The following IQSEC3 variants were observed in gnomAD, a reference collection of about 807,000 sequenced individuals.
IQSEC3 encodes IQ motif and SEC7 domain-containing protein 3.
Under a neutral mutation model 105.4 loss-of-function variants are expected in IQSEC3, and 50 were observed. The observed-to-expected ratio is 0.47, with a 90% confidence interval of 0.38 to 0.60. The LOEUF is 0.60. IQSEC3 is among the 20% of genes least tolerant of loss of function. The pLI is 0.00. For missense variants in IQSEC3, 1,415 were observed against 1,630.0 expected (o/e 0.87, Z 2.27); for synonymous variants, 708 against 746.0 (o/e 0.95, Z 0.83).
chr12:171,870 C>G (rs1201543732), intron 13 of IQSEC3, among the ~76,000 whole-genome samples: 1 of 152,090 alleles, frequency 6.6e-6, no homozygotes, highest in African/African-American at 2.4e-5. Flanking sequence ...GCCCATTTGG[C>G]TCCATGCCAT....
chr12:123,723 G>T (rs576332595), intron 2 of IQSEC3, among the ~76,000 whole-genome samples: 3 of 152,134 alleles, frequency 2.0e-5, no homozygotes, highest in Admixed American at 2.0e-4. Context: ...AGTGGAAGCC[G>T]CAGGAAGAGG....
rs1245366925 is a variant in IQSEC3, at chr12:67,137, C to T, written c.255C>T (p.Ala85=). 2 of 1,513,504 alleles carry T rather than the reference C, an allele frequency of 1.3e-6. No individual in the cohort carries two copies. Among genetic ancestry groups the T allele is most frequent in the South Asian group, 2.5e-5 (2 of 81,502 alleles). 93.8% of individuals were successfully genotyped at this position (1,513,504 alleles called of 1,614,324 possible). The change falls in exon 1 of 14, where the codon GCC becomes GCT. Residue 85 remains alanine, a synonymous_variant. Coordinates refer to ENST00000538872, the MANE Select transcript of IQSEC3 (RefSeq NM_001170738.2). ...PLPAAPATAP[A]AAARAQEPLQ... is the part of the protein sequence containing the mutation. ...CGGCCGCTCCGGCCACCGCTCCTGC[C>T]GCCGCCGCCAGGGCCCAGGAACCTC...
At chr12:125,585 C>T (rs535633153) in intron 2 of IQSEC3, 48 bp from the exon 3 acceptor site, 118 of 1,450,092 alleles carry the variant, frequency 8.1e-5, no homozygotes, top group African/African-American at 1.2e-4. Flanking sequence ...TCCACACGCA[C>T]CCTGTCGCCC....
intron 2 of IQSEC3, among the ~76,000 whole-genome samples, chr12:106,291 T>C (rs1864648672): frequency 6.6e-6 from 1 of 152,194 alleles, no homozygotes; most frequent in Non-Finnish European, 1.5e-5. Context: ...GGCAGGAGGA[T>C]AGCAGAAGGC....
chr12:106,693 G>A (rs1323237137), intron 2 of IQSEC3: 2 of 152,162 alleles, frequency 1.3e-5, no homozygotes, highest in African/African-American at 4.8e-5. Flanking sequence ...TTCATTTACT[G>A]GAAGCTTCTT....
intron 3 of IQSEC3, among the ~76,000 whole-genome samples, chr12:131,922 C>T (rs1414362793): frequency 6.6e-6 from 1 of 152,170 alleles, no homozygotes; most frequent in African/African-American, 2.4e-5. Context: ...TGCTCCATGC[C>T]AGTTAAGGTG....
intron 2 of IQSEC3, among the ~76,000 whole-genome samples, 175 bp from the exon 3 acceptor site, chr12:125,457 AG>A (rs1458302741): frequency 6.6e-6 from 1 of 152,002 alleles, no homozygotes; most frequent in Non-Finnish European, 1.5e-5. Flanking sequence ...CTCCGTGCCC[AG>A]GGCTCATCCC....
chr12:138,638 G>A lies in IQSEC3; in HGVS notation c.1275G>A (p.Met425Ile), dbSNP rs949603316. 2.5e-6 allele frequency: 4 copies of A among 1,582,462 alleles called. No homozygotes were observed. The highest frequency in any genetic ancestry group is 3.4e-6 in the Non-Finnish European group (4 of 1,172,220). Residue 425 changes from methionine to isoleucine, a missense_variant, in exon 4 of 14, where the codon ATG becomes ATA. Met to Ile is a conservative substitution (Grantham distance 10). Coordinates refer to ENST00000538872, the MANE Select transcript of IQSEC3 (RefSeq NM_001170738.2). The surrounding 1 kb of genome is among the most constrained non-coding windows in gnomAD (Gnocchi z 7.1). ...DALSTWSLKTMCSLRESGAYQ... is the reference protein window; with the variant it reads ...DALSTWSLKTICSLRESGAYQ... ...TCAGCACGTGGAGCCTCAAGACCAT[G>A]TGCTCCCTGCGGGAGAGTGGCGCTT...
At chr12:122,071 G>A (rs1555082039) in intron 2 of IQSEC3, among the ~76,000 whole-genome samples, 1 of 152,172 alleles carries the variant, frequency 6.6e-6, no homozygotes, top group South Asian at 2.1e-4. Context: ...CGGTCTTCTA[G>A]GTAAGTCTAT....
At chr12:68,729 T>C (rs1252696261) in intron 1 of IQSEC3, among the ~76,000 whole-genome samples, 3 of 152,224 alleles carry the variant, frequency 2.0e-5, no homozygotes, top group Non-Finnish European at 2.9e-5. Flanking sequence ...GTCTGGGAGA[T>C]ACTTGTGAAT....
At chr12:141,307 C>G (rs1555089190) in intron 5 of IQSEC3, 22 bp downstream of exon 5, 1 of 1,602,008 alleles carries the variant, frequency 6.2e-7, no homozygotes, top group South Asian at 1.1e-5. Context: ...ACACTCCGGG[C>G]TTTCCCCACT....
chr12:174,889 C>T lies in IQSEC3; in HGVS notation c.3405C>T (p.Gly1135=), dbSNP rs756201508. The T allele has an allele frequency of 1.1e-4, 171 of 1,571,278 alleles. No individual in the cohort carries two copies. Among genetic ancestry groups the T allele is most frequent in the Middle Eastern group, 1.7e-4 (1 of 6,016 alleles). ...SSDSCGSTPL[G]GPGSPVKVTH... The stretch of plus-strand genomic sequence containing the variant: ...ACTCCTGCGGCTCCACACCCCTGGG[C>T]GGTCCCGGCTCTCCGGTCAAGGTCA... The change falls in exon 14 of 14, where the codon GGC becomes GGT. Residue 1135 remains glycine, a synonymous_variant. Transcript: ENST00000538872.
At chr12:96,541 A>G (rs1864247292) in intron 1 of IQSEC3, among the ~76,000 whole-genome samples, 1 of 152,238 alleles carries the variant, frequency 6.6e-6, no homozygotes, top group Non-Finnish European at 1.5e-5. Context: ...TATATATAAA[A>G]GAAATGTATT....
intron 3 of IQSEC3, among the ~76,000 whole-genome samples, chr12:131,251 C>T (rs1865590821): frequency 6.6e-6 from 1 of 152,204 alleles, no homozygotes; most frequent in East Asian, 1.9e-4. Flanking sequence ...AAATTGCTCT[C>T]TTGGCAGGGG....
At chr12:140,305 GA>G (rs1411871409) in intron 4 of IQSEC3, 3 of 152,176 alleles carry the variant, frequency 2.0e-5, no homozygotes, top group African/African-American at 4.8e-5. Context: ...CTGTTTTACA[GA>G]AAAGAAGCCG....
chr12:165,477 C>G lies in IQSEC3; in HGVS notation c.2753C>G (p.Thr918Ser), dbSNP rs782188727. ...CPKKKSSSTYTFCKSVGLLGM... is the reference protein window; with the variant it reads ...CPKKKSSSTYSFCKSVGLLGM... ...AAGAAGAAGAGCTCCTCCACGTACA[C>G]CTTTTGCAAGTCAGTTGGCCTGCTG... Residue 918 changes from threonine to serine, a missense_variant, in exon 10 of 14, where the codon ACC (threonine) becomes AGC (serine). By Grantham distance (58) the Thr-to-Ser change is moderately conservative. This residue lies in a region of IQSEC3 where 419 missense variants were observed against 436.2 expected (regional missense o/e 0.96). Transcript: ENST00000538872. The G allele has an allele frequency of 6.2e-7, 1 of 1,614,174 alleles. No individual in the cohort carries two copies. Among genetic ancestry groups the G allele is most frequent in the South Asian group, 1.1e-5 (1 of 91,078 alleles).
Position 157,691 on chromosome 12 carries a change from C to T in IQSEC3, c.2440C>T (p.Arg814Ter), listed in dbSNP as rs1866742972. 2 of 1,611,618 alleles carry T rather than the reference C, an allele frequency of 1.2e-6. No individual in the cohort carries two copies. Among genetic ancestry groups the T allele is most frequent in the Non-Finnish European group, 1.7e-6 (2 of 1,178,424 alleles). Reference protein sequence around the residue: ...MMLEDFIRNLRGVDDGADIPR... With the variant: ...MMLEDFIRNL ...GCTGGAGGACTTCATCCGAAACCTT[C>T]GAGGTGAGGAGGTGGGCACTGGGGC... The change falls in exon 7 of 14, where the codon CGA becomes TGA. Residue 814 changes from arginine to a stop codon, truncating the protein, a stop_gained. Coordinates refer to ENST00000538872, the MANE Select transcript of IQSEC3 (RefSeq NM_001170738.2). LOFTEE classifies it high-confidence loss of function.
chr12:119,567 T>C (rs1364353939), intron 2 of IQSEC3, among the ~76,000 whole-genome samples: 1 of 152,204 alleles, frequency 6.6e-6, no homozygotes, highest in African/African-American at 2.4e-5. Context: ...GATTCAGTTC[T>C]TGAGGAAGCA....
chr12:125,943 G>C (rs782409150), intron 3 of IQSEC3, 31 bp downstream of exon 3: 1 of 1,520,920 alleles, frequency 6.6e-7, no homozygotes, highest in Non-Finnish European at 8.8e-7. Flanking sequence ...GGGCGGGGAG[G>C]GTGGTGAAGG....
Sources: allele counts gnomAD v4.1 joint callset (sites outside exome capture counted in the v4.1 genomes callset), GRCh38; gene constraint gnomAD v4.1.1; regional missense constraint gnomAD v4.1.1; non-coding constraint Gnocchi (gnomAD v3.1); transcripts MANE v1.5; gene names NCBI Gene and HGNC (gene_info 2026-07-23, HGNC 2026-07-21).